The following AGBL4 variants were observed in gnomAD, a reference collection of about 807,000 sequenced individuals.
The protein encoded by AGBL4 is cytosolic carboxypeptidase 6.
In AGBL4, 58 loss-of-function variants were observed where a neutral mutation model predicts 66.4. That is an observed-to-expected ratio of 0.87 (90% confidence interval 0.71 to 1.09). The LOEUF (loss-of-function observed/expected upper bound fraction) is 1.09, where lower values mean the gene tolerates loss of function less well. AGBL4 is among the 50% of genes least tolerant of loss of function. The pLI, the probability that AGBL4 is intolerant of heterozygous loss-of-function variation, is 0.00. For missense variants in AGBL4, 579 were observed against 631.0 expected (o/e 0.92, Z 0.88); for synonymous variants, 234 against 222.9 (o/e 1.05, Z -0.44).
At chr1:49,818,630 G>A (rs922338266) in intron 2 of AGBL4, among the ~76,000 whole-genome samples, 14 of 151,968 alleles carry the variant, frequency 9.2e-5, no homozygotes, top group African/African-American at 3.4e-4. Context: ...GCATCCCAGA[G>A]TGCTGCGATA....
chr1:49,474,882 A>G (rs905252782), intron 3 of AGBL4, among the ~76,000 whole-genome samples: 17 of 152,054 alleles, frequency 1.1e-4, no homozygotes, highest in African/African-American at 4.1e-4. Flanking sequence ...ACATTAGCAA[A>G]GAGAGAAAAT....
intron 3 of AGBL4, among the ~76,000 whole-genome samples, chr1:49,440,870 G>A (rs1490067693): frequency 6.6e-6 from 1 of 152,046 alleles, no homozygotes; most frequent in Non-Finnish European, 1.5e-5. Flanking sequence ...GATGAAGCTG[G>A]GGACACTGAG....
chr1:49,128,988 T>C (rs1191141733), intron 4 of AGBL4, among the ~76,000 whole-genome samples: 4 of 151,656 alleles, frequency 2.6e-5, no homozygotes, highest in African/African-American at 9.7e-5. Flanking sequence ...ATCTAGAAAA[T>C]ATAAAGAACT....
intron 6 of AGBL4, among the ~76,000 whole-genome samples, chr1:48,770,268 C>T (rs1298389167): frequency 6.6e-6 from 1 of 152,176 alleles, no homozygotes; most frequent in East Asian, 1.9e-4. Flanking sequence ...GCTGTCCTAT[C>T]CTATGTCTGA....
At chr1:49,794,620 T>C (rs1644685594) in intron 2 of AGBL4, among the ~76,000 whole-genome samples, 1 of 151,968 alleles carries the variant, frequency 6.6e-6, no homozygotes, top group Non-Finnish European at 1.5e-5. Flanking sequence ...TCTGTTATAA[T>C]ACATTGGATT....
chr1:48,788,710 C>T (rs1279922758), intron 6 of AGBL4, among the ~76,000 whole-genome samples: 1 of 152,178 alleles, frequency 6.6e-6, no homozygotes, highest in East Asian at 1.9e-4. Flanking sequence ...TTCTGGGACA[C>T]TAACTGTGAA....
intron 1 of AGBL4, among the ~76,000 whole-genome samples, chr1:49,948,027 A>ATATATATATATTTATAT (rs1655491900): frequency 1.3e-5 from 1 of 75,872 alleles, no homozygotes; most frequent in Non-Finnish European, 2.2e-5. Context: ...AATATATATA[A>ATATATATATATTTATAT]ATATATATAC....
At chr1:49,953,114 G>T (rs753661028) in intron 1 of AGBL4, among the ~76,000 whole-genome samples, 1 of 151,918 alleles carries the variant, frequency 6.6e-6, no homozygotes, top group Non-Finnish European at 1.5e-5. Flanking sequence ...GAAGCAAGAA[G>T]TTTGCAACAA....
chr1:49,696,055 C>A (rs898890621), intron 3 of AGBL4, among the ~76,000 whole-genome samples: 5 of 151,980 alleles, frequency 3.3e-5, no homozygotes, highest in African/African-American at 1.2e-4. Context: ...AAGCTAAACT[C>A]CCTAGGAGAA....
At chr1:49,790,323 G>A (rs1257491482) in intron 2 of AGBL4, among the ~76,000 whole-genome samples, 1 of 143,834 alleles carries the variant, frequency 7.0e-6, no homozygotes, top group Non-Finnish European at 1.5e-5. Context: ...GAGATCGCAT[G>A]ACTGCATTCC....
At chr1:49,311,889 T>C (rs888640686) in intron 3 of AGBL4, among the ~76,000 whole-genome samples, 3 of 152,062 alleles carry the variant, frequency 2.0e-5, no homozygotes, top group Admixed American at 6.6e-5. Flanking sequence ...TGTTAGACTA[T>C]TGGTACAAAA....
At chr1:49,443,918 CTT>C (rs1238138509) in intron 3 of AGBL4, among the ~76,000 whole-genome samples, 1 of 151,830 alleles carries the variant, frequency 6.6e-6, no homozygotes, top group African/African-American at 2.4e-5. Flanking sequence ...AAACTTCACT[CTT>C]AGCACTGCTC....
intron 12 of AGBL4, 78 bp from the exon 13 acceptor site, chr1:48,534,994 T>C (rs1021271762): frequency 7.5e-7 from 1 of 1,324,662 alleles, no homozygotes; most frequent in African/African-American, 1.5e-5. Context: ...GCTATTCATC[T>C]GTCATTGAAG....
At chr1:49,654,973 A>G (rs906676879) in intron 3 of AGBL4, among the ~76,000 whole-genome samples, 14 of 152,152 alleles carry the variant, frequency 9.2e-5, no homozygotes, top group Non-Finnish European at 1.5e-4. Context: ...TGATGATGTT[A>G]GCTGGTTATT....
intron 3 of AGBL4, among the ~76,000 whole-genome samples, chr1:49,326,409 T>C (rs1238695748): frequency 1.3e-5 from 2 of 152,210 alleles, no homozygotes; most frequent in Non-Finnish European, 2.9e-5. Flanking sequence ...GTCATGAGGT[T>C]AATTCTTCAA....
chr1:49,051,454 C>T (rs759117741), intron 4 of AGBL4, among the ~76,000 whole-genome samples: 1 of 152,140 alleles, frequency 6.6e-6, no homozygotes, highest in Non-Finnish European at 1.5e-5. Context: ...TACTCAGGGG[C>T]TGAAAGCAAA....
intron 4 of AGBL4, among the ~76,000 whole-genome samples, chr1:49,169,639 C>A (rs940127600): frequency 2.0e-5 from 3 of 152,174 alleles, no homozygotes; most frequent in African/African-American, 7.2e-5. Flanking sequence ...GCAGTTATTT[C>A]CCATCCTGCT....
intron 5 of AGBL4, among the ~76,000 whole-genome samples, chr1:49,023,571 T>C (rs754905416): frequency 1.8e-4 from 28 of 152,302 alleles, no homozygotes; most frequent in Non-Finnish European, 3.7e-4. Context: ...TCATTATTTG[T>C]TGAGCACTCT....
At chr1:49,272,764 G>GTA (rs1285472799) in intron 3 of AGBL4, among the ~76,000 whole-genome samples, 1 of 151,924 alleles carries the variant, frequency 6.6e-6, no homozygotes, top group African/African-American at 2.4e-5. Flanking sequence ...ATACACACAT[G>GTA]TATATGTCTG....
Sources: gnomAD v4.1 joint callset for allele counts (sites outside exome capture counted in the v4.1 genomes callset) on GRCh38, gnomAD v4.1.1 for gene constraint, MANE v1.5 for transcripts, NCBI Gene and HGNC (gene_info 2026-07-23, HGNC 2026-07-21) for gene names.